Variants in DMD observed in about 807,000 individuals in gnomAD.
DMD encodes the protein mutant dystrophin.
DMD carries 63 observed loss-of-function variants against 330.1 expected under a neutral mutation model. The ratio of observed to expected loss-of-function variants is 0.19; its 90% confidence interval spans 0.16 to 0.24. DMD has a LOEUF of 0.24. Ranked by LOEUF, DMD falls within the 10% of genes least tolerant of loss-of-function variation. The pLI is 1.00. For missense variants in DMD, 3,344 were observed against 2,684.1 expected, an observed-to-expected ratio of 1.25 and a Z score of -5.43; for synonymous variants, 1,223 against 959.8, an observed-to-expected ratio of 1.27 and a Z score of -5.07.
chrX:32,993,937 A>G (rs1188773915), intron 2 of DMD, among the ~76,000 whole-genome samples: 1 of 111,683 alleles, frequency 9.0e-6, no homozygotes, highest in Non-Finnish European at 1.9e-5. Context: ...AGAAATGAAT[A>G]CCTAAAGAAA....
At chrX:32,615,337 G>T (rs758655940) in intron 11 of DMD, among the ~76,000 whole-genome samples, 5 of 111,068 alleles carry the variant, frequency 4.5e-5, no homozygotes, top group Non-Finnish European at 9.5e-5. Flanking sequence ...ACAGCCCAGC[G>T]GTAAGCTCTA....
chrX:32,852,653 G>C (rs932154929), intron 2 of DMD, among the ~76,000 whole-genome samples: 7 of 110,467 alleles, frequency 6.3e-5, no homozygotes, highest in Admixed American at 1.9e-4. Flanking sequence ...GGCCTGAGGA[G>C]AACCCACTGC....
intron 17 of DMD, among the ~76,000 whole-genome samples, chrX:32,520,318 G>A (rs1377148714): frequency 3.6e-5 from 4 of 111,629 alleles, no homozygotes; most frequent in Non-Finnish European, 7.5e-5. Flanking sequence ...TCCTACTATG[G>A]TTATTTGATT....
At chrX:31,281,257 G>T (rs1385752425) in intron 62 of DMD, among the ~76,000 whole-genome samples, 3 of 111,596 alleles carry the variant, frequency 2.7e-5, no homozygotes, top group African/African-American at 9.8e-5. Flanking sequence ...CAGCCTATTA[G>T]CCAGCCCCAC....
intron 2 of DMD, among the ~76,000 whole-genome samples, chrX:32,903,144 C>CAAAAAAAAAAAA (rs34973696): frequency 6.1e-5 from 2 of 32,985 alleles, no homozygotes; most frequent in African/African-American, 1.4e-4. Context: ...GACTCAGTCT[C>CAAAAAAAAAAAA]AAAAAAAAAA....
chrX:32,576,714 A>C (rs1292072709), intron 13 of DMD, among the ~76,000 whole-genome samples: 1 of 94,473 alleles, frequency 1.1e-5, no homozygotes, highest in African/African-American at 3.8e-5. Flanking sequence ...AGGAGAGCAA[A>C]ACCATGGATG....
chrX:31,232,115 A>G (rs2047275950), intron 63 of DMD, among the ~76,000 whole-genome samples: 2 of 102,537 alleles, frequency 2.0e-5, no homozygotes, highest in Admixed American at 1.1e-4. Flanking sequence ...AAAGCTCTGA[A>G]GCAGAGAAGA....
intron 62 of DMD, among the ~76,000 whole-genome samples, chrX:31,297,674 T>A (rs1006858387): frequency 3.6e-5 from 4 of 112,379 alleles, no homozygotes; most frequent in Non-Finnish European, 7.5e-5. Context: ...GTGCATATTA[T>A]AAATACAGAC....
At chrX:33,046,368 ATGTATAATTTAG>A (rs1296358911) in intron 1 of DMD, among the ~76,000 whole-genome samples, 2 of 111,686 alleles carry the variant, frequency 1.8e-5, no homozygotes, top group Non-Finnish European at 3.8e-5. Flanking sequence ...CCTGCTACAG[ATGTATAATTTAG>A]TGCAAAGGTG....
At chrX:31,977,743 A>G (rs1325983154) in intron 44 of DMD, among the ~76,000 whole-genome samples, 1 of 108,438 alleles carries the variant, frequency 9.2e-6, no homozygotes, top group African/African-American at 3.4e-5. Context: ...TGATGATAAA[A>G]ACAATTGTGC....
intron 61 of DMD, among the ~76,000 whole-genome samples, chrX:31,341,874 CGCGT>C (rs1182119646): frequency 1.7e-3 from 133 of 76,394 alleles, no homozygotes; most frequent in African/African-American, 7.0e-3. Context: ...CTGGCGTGCG[CGCGT>C]GCGTGCGCGC....
intron 9 of DMD, among the ~76,000 whole-genome samples, chrX:32,677,077 T>A (rs770339316): frequency 3.6e-5 from 4 of 111,600 alleles, no homozygotes; most frequent in African/African-American, 1.3e-4. Context: ...GTAATTTCAC[T>A]GACAAATGAA....
intron 43 of DMD, among the ~76,000 whole-genome samples, chrX:32,218,827 CTT>C (rs1156262459): frequency 6.3e-5 from 7 of 111,840 alleles, no homozygotes; most frequent in East Asian, 5.7e-4. Context: ...CCAAATATCT[CTT>C]GTTTCAATGG....
chrX:32,601,480 C>CAA (rs979995638), intron 12 of DMD, among the ~76,000 whole-genome samples: 2 of 111,635 alleles, frequency 1.8e-5, no homozygotes, highest in African/African-American at 6.5e-5. Context: ...AAAGGCTATA[C>CAA]AAGCACACTA....
At chrX:31,975,063 G>A (rs1469081174) in intron 44 of DMD, among the ~76,000 whole-genome samples, 1 of 109,940 alleles carries the variant, frequency 9.1e-6, no homozygotes, top group Non-Finnish European at 1.9e-5. Flanking sequence ...AAAAAATCAC[G>A]TGCTCCTCAA....
intron 55 of DMD, among the ~76,000 whole-genome samples, chrX:31,581,305 G>T (rs186028430): frequency 1.8e-4 from 20 of 111,892 alleles, no homozygotes; most frequent in Non-Finnish European, 7.5e-5. Flanking sequence ...AATCAATAAG[G>T]TGTTATGAAG....
rs770663863 is a variant in DMD, at chrX:32,508,923, T to G, written c.2293-7081A>C. On this transcript the variant is annotated intron_variant, in intron 18 of 78. Transcript: ENST00000357033. ...CCTCCCGGGTTCACGCCATTCTCCTTCCTCAGCCTCCTGAGTAGCTGGGAC... is the reference window on the plus strand; with the variant it reads ...CCTCCCGGGTTCACGCCATTCTCCTGCCTCAGCCTCCTGAGTAGCTGGGAC... Among the ~76,000 whole-genome samples the G allele has an allele frequency of 3.0e-3, 332 of 110,339 alleles. 2 individuals are homozygous for G. Among genetic ancestry groups the G allele is most frequent in the East Asian group, 0.016 (55 of 3,480 alleles).
At chrX:32,728,339 G>A (rs2067134435) in intron 7 of DMD, among the ~76,000 whole-genome samples, 2 of 111,731 alleles carry the variant, frequency 1.8e-5, no homozygotes, top group African/African-American at 3.2e-5. Flanking sequence ...ACCCAATGTT[G>A]TAATACAGGC....
chrX:32,812,580 C>A (rs1425918139), intron 6 of DMD, among the ~76,000 whole-genome samples: 7 of 112,251 alleles, frequency 6.2e-5, no homozygotes, highest in Non-Finnish European at 1.1e-4. Context: ...TTGCAGTGAG[C>A]CAAGGTTGGC....
Sources: gnomAD v4.1 joint callset for allele counts (sites outside exome capture counted in the v4.1 genomes callset) on GRCh38, gnomAD v4.1.1 for gene constraint, MANE v1.5 for transcripts, NCBI Gene and HGNC (gene_info 2026-07-23, HGNC 2026-07-21) for gene names.